The following CCSER1 variants were observed in gnomAD, a reference collection of about 807,000 sequenced individuals.
CCSER1 encodes coiled-coil serine rich protein 1.
CCSER1 carries 41 observed loss-of-function variants against 82.0 expected under a neutral mutation model. The observed-to-expected ratio is 0.50, with a 90% CI of 0.39 to 0.65. The LOEUF is 0.65. Ranked by LOEUF, CCSER1 falls within the 30% of genes least tolerant of loss-of-function variation. CCSER1 has a pLI of 0.00. For missense variants in CCSER1, 1,119 were observed against 1,064.2 expected (o/e 1.05, Z -0.72); for synonymous variants, 414 against 383.9 (o/e 1.08, Z -0.92).
chr4:91,214,770 GC>G (rs1737112524), intron 10 of CCSER1, among the ~76,000 whole-genome samples: 2 of 152,076 alleles, frequency 1.3e-5, no homozygotes, highest in African/African-American at 4.8e-5. Context: ...TATAACAAGG[GC>G]TTATTGGAAA....
chr4:91,255,495 T>A (rs77549532), intron 10 of CCSER1, among the ~76,000 whole-genome samples: 2,808 of 152,258 alleles, frequency 0.018, 37 homozygotes, highest in Non-Finnish European at 0.032. Flanking sequence ...CCATCACCCT[T>A]GTGGGCAGAC....
At chr4:90,178,647 G>A (rs1011554449) in intron 1 of CCSER1, among the ~76,000 whole-genome samples, 15 of 152,088 alleles carry the variant, frequency 9.9e-5, no homozygotes, top group African/African-American at 3.6e-4. Context: ...AGAAAAGCAG[G>A]TGGGGAGATG....
intron 5 of CCSER1, among the ~76,000 whole-genome samples, chr4:90,566,677 A>G (rs1779426841): frequency 6.8e-6 from 1 of 147,506 alleles, no homozygotes; most frequent in Non-Finnish European, 1.5e-5. Context: ...ATCTCGGCTC[A>G]CTGCAAGGTC....
chr4:91,088,667 A>C (rs1199680243), intron 10 of CCSER1, among the ~76,000 whole-genome samples: 2 of 152,168 alleles, frequency 1.3e-5, no homozygotes, highest in African/African-American at 4.8e-5. Context: ...ATACAATTTG[A>C]GGGGGCTGAT....
At chr4:90,613,139 T>C (rs567387163) in intron 5 of CCSER1, among the ~76,000 whole-genome samples, 16 of 152,252 alleles carry the variant, frequency 1.1e-4, no homozygotes, top group African/African-American at 3.6e-4. Context: ...CATACAGTTC[T>C]TTGATACAAG....
intron 1 of CCSER1, among the ~76,000 whole-genome samples, chr4:90,262,945 T>G (rs1370450634): frequency 6.6e-6 from 1 of 152,152 alleles, no homozygotes; most frequent in Non-Finnish European, 1.5e-5. Flanking sequence ...CCAGGAAGGC[T>G]GTCTATAGAT....
intron 9 of CCSER1, among the ~76,000 whole-genome samples, chr4:91,028,677 C>T (rs11940638): frequency 6.6e-6 from 1 of 151,142 alleles, no homozygotes. Context: ...TTCTTTAGAG[C>T]TTGTTAACAG....
intron 8 of CCSER1, among the ~76,000 whole-genome samples, chr4:90,843,264 C>T (rs1009291749): frequency 6.6e-6 from 1 of 152,008 alleles, no homozygotes; most frequent in South Asian, 2.1e-4. Flanking sequence ...AACATTGTGG[C>T]TATTTACTGC....
chr4:90,319,574 T>C (rs1468838030), intron 3 of CCSER1, among the ~76,000 whole-genome samples: 1 of 152,038 alleles, frequency 6.6e-6, no homozygotes. Context: ...ATCCCTTGAA[T>C]GTGGGAGGCA....
chr4:90,332,110 T>C (rs969418315), intron 3 of CCSER1, among the ~76,000 whole-genome samples: 2 of 152,192 alleles, frequency 1.3e-5, no homozygotes, highest in African/African-American at 4.8e-5. Context: ...TTGCTTCTTC[T>C]ACTGTTCCCG....
chr4:90,948,025 C>T (rs1732464279), intron 9 of CCSER1, among the ~76,000 whole-genome samples: 1 of 151,986 alleles, frequency 6.6e-6, no homozygotes, highest in Non-Finnish European at 1.5e-5. Context: ...TACATTTGTA[C>T]TTAATTAGAA....
chr4:91,147,351 G>T (rs756165080), intron 10 of CCSER1, among the ~76,000 whole-genome samples: 1 of 152,172 alleles, frequency 6.6e-6, no homozygotes, highest in Non-Finnish European at 1.5e-5. Context: ...AGCCAGCTAC[G>T]TTTTTCCACA....
At chr4:90,360,267 G>A (rs1225212084) in intron 3 of CCSER1, among the ~76,000 whole-genome samples, 8 of 148,324 alleles carry the variant, frequency 5.4e-5, no homozygotes, top group Admixed American at 1.3e-4. Context: ...GGTGGCTCAC[G>A]CCTGTAATCT....
intron 10 of CCSER1, among the ~76,000 whole-genome samples, chr4:91,268,191 A>T (rs1560554946): frequency 6.6e-6 from 1 of 152,204 alleles, no homozygotes; most frequent in Non-Finnish European, 1.5e-5. Context: ...GTGTATAACT[A>T]TGGCAAATAA....
intron 9 of CCSER1, among the ~76,000 whole-genome samples, chr4:91,042,735 A>C (rs1742077773): frequency 6.6e-6 from 1 of 152,154 alleles, no homozygotes; most frequent in African/African-American, 2.4e-5. Context: ...TTTTATCACC[A>C]ATAGAAGAAT....
intron 7 of CCSER1, among the ~76,000 whole-genome samples, chr4:90,769,795 T>C (rs1464274222): frequency 6.6e-6 from 1 of 152,130 alleles, no homozygotes; most frequent in African/African-American, 2.4e-5. Context: ...TATCAAACTT[T>C]TGACGTTGGT....
chr4:90,689,579 ATAAT>A (rs1262161412), intron 6 of CCSER1, among the ~76,000 whole-genome samples: 4 of 152,098 alleles, frequency 2.6e-5, no homozygotes, highest in Non-Finnish European at 5.9e-5. Context: ...GATCTCAAAA[ATAAT>A]TAGTAGTGTT....
intron 9 of CCSER1, among the ~76,000 whole-genome samples, chr4:91,069,395 C>T (rs928211918): frequency 4.0e-5 from 6 of 151,400 alleles, no homozygotes; most frequent in Non-Finnish European, 7.4e-5. Context: ...TAATATTATA[C>T]TCAATATATT....
intron 5 of CCSER1, chr4:90,468,564 T>A: frequency 2.4e-6 from 1 of 424,964 alleles, no homozygotes; most frequent in South Asian, 5.0e-5. Flanking sequence ...CATTCAAGTT[T>A]CATTTTGTTA....
Sources: allele counts gnomAD v4.1 joint callset (sites outside exome capture counted in the v4.1 genomes callset), GRCh38; gene constraint gnomAD v4.1.1; transcripts MANE v1.5; gene names NCBI Gene and HGNC (gene_info 2026-07-23, HGNC 2026-07-21).